The following DLG2 variants were observed in gnomAD, a reference collection of about 807,000 sequenced individuals.
DLG2 encodes disks large homolog 2.
DLG2 carries 45 observed loss-of-function variants against 132.5 expected under a neutral mutation model. The observed-to-expected ratio is 0.34, with a 90% CI of 0.27 to 0.44. DLG2 has a LOEUF of 0.44. Ranked by LOEUF, DLG2 falls within the 20% of genes least tolerant of loss-of-function variation. The pLI is 1.00. For missense variants in DLG2, 1,045 were observed against 1,196.9 expected, an observed-to-expected ratio of 0.87 and a Z score of 1.87; for synonymous variants, 424 against 419.6, an observed-to-expected ratio of 1.01 and a Z score of -0.13.
At chr11:84,720,313 A>G (rs1289190372) in intron 6 of DLG2, 6 of 985,446 alleles carry the variant, frequency 6.1e-6, no homozygotes, top group Non-Finnish European at 6.0e-6. Context: ...CCAAACATCA[A>G]CGATAAAGTG....
intron 6 of DLG2, among the ~76,000 whole-genome samples, chr11:85,016,966 T>G (rs2059626755): frequency 6.6e-6 from 1 of 152,174 alleles, no homozygotes; most frequent in African/African-American, 2.4e-5. Context: ...CAAATCTGGC[T>G]TGCTACATGT....
chr11:83,753,857 T>TC (rs1191096672), intron 18 of DLG2, among the ~76,000 whole-genome samples: 6 of 6,570 alleles, frequency 9.1e-4, no homozygotes, highest in African/African-American at 5.2e-3. Context: ...ATATATCATA[T>TC]ATATATTTCA....
chr11:85,005,406 G>T (rs2058564808), intron 6 of DLG2, among the ~76,000 whole-genome samples: 1 of 152,124 alleles, frequency 6.6e-6, no homozygotes, highest in African/African-American at 2.4e-5. Flanking sequence ...ATTTCCTTGA[G>T]CAGTGGTATG....
chr11:83,648,220 T>C (rs1470901350), intron 18 of DLG2, among the ~76,000 whole-genome samples: 2 of 152,170 alleles, frequency 1.3e-5, no homozygotes, highest in African/African-American at 4.8e-5. Flanking sequence ...AGAACTGTGT[T>C]GGTACACACA....
rs1264380162 is a variant in DLG2, at chr11:85,219,977, A to C, written c.186+65243T>G. On this transcript the variant is annotated intron_variant, in intron 4 of 27. Transcript: ENST00000376104. ...CCGAAACTTCCCACAAGAAATTACA[A>C]CTGCTTTTTGTCTTAATTTGGAGAG... is the stretch of plus-strand genomic sequence containing the variant. 2.6e-5 allele frequency among the ~76,000 whole-genome samples: 4 copies of C among 151,944 alleles called. No individual in the cohort carries two copies. In the South Asian group the frequency reaches 8.3e-4, roughly 32 times the overall value.
At chr11:83,671,437 T>C (rs1434703684) in intron 18 of DLG2, among the ~76,000 whole-genome samples, 5 of 152,166 alleles carry the variant, frequency 3.3e-5, no homozygotes, top group Admixed American at 1.3e-4. Context: ...GCCCCTCCTA[T>C]GAGCAGTCAA....
intron 6 of DLG2, among the ~76,000 whole-genome samples, chr11:84,945,778 A>G (rs1041042957): frequency 6.6e-6 from 1 of 152,080 alleles, no homozygotes; most frequent in Non-Finnish European, 1.5e-5. Flanking sequence ...TCACTAGGTA[A>G]TGTGCATCCC....
chr11:83,750,111 C>G (rs2093206310), intron 18 of DLG2, among the ~76,000 whole-genome samples: 1 of 152,150 alleles, frequency 6.6e-6, no homozygotes, highest in African/African-American at 2.4e-5. Flanking sequence ...AACGCTCAAG[C>G]TTGTCTTTAC....
chr11:84,892,675 A>G (rs999667095), intron 6 of DLG2, among the ~76,000 whole-genome samples: 1 of 152,108 alleles, frequency 6.6e-6, no homozygotes, highest in African/African-American at 2.4e-5. Flanking sequence ...AATATTAATT[A>G]AGGGTGCTGT....
intron 6 of DLG2, among the ~76,000 whole-genome samples, chr11:85,050,679 G>T (rs183403123): frequency 6.6e-6 from 1 of 152,174 alleles, no homozygotes; most frequent in East Asian, 1.9e-4. Context: ...AAAAATCAAA[G>T]ATATTTAATG....
chr11:84,283,671 A>G (rs900375586), intron 7 of DLG2, among the ~76,000 whole-genome samples: 2 of 151,906 alleles, frequency 1.3e-5, no homozygotes, highest in African/African-American at 4.8e-5. Context: ...CCTGAATCCT[A>G]TTTGCTTCCT....
At chr11:85,406,096 C>T (rs2088702713) in intron 3 of DLG2, among the ~76,000 whole-genome samples, 1 of 151,830 alleles carries the variant, frequency 6.6e-6, no homozygotes, top group Non-Finnish European at 1.5e-5. Flanking sequence ...ATTTATTCTT[C>T]AATTATAGAG....
chr11:84,699,579 T>C (rs2058989584), intron 6 of DLG2, among the ~76,000 whole-genome samples: 1 of 151,456 alleles, frequency 6.6e-6, no homozygotes, highest in Non-Finnish European at 1.5e-5. Context: ...AATTCTCACC[T>C]GATTTGGCCC....
intron 6 of DLG2, among the ~76,000 whole-genome samples, chr11:84,768,203 A>G (rs1386307976): frequency 6.6e-6 from 1 of 152,232 alleles, no homozygotes; most frequent in Non-Finnish European, 1.5e-5. Context: ...GACGATTCTT[A>G]TCCTACCCCA....
intron 7 of DLG2, among the ~76,000 whole-genome samples, chr11:84,301,972 G>A (rs1599427148): frequency 6.6e-6 from 1 of 152,144 alleles, no homozygotes; most frequent in Admixed American, 6.5e-5. Context: ...TAATAGACTG[G>A]ATAAAGAAAA....
At chr11:85,602,591 C>T (rs1008984732) in intron 2 of DLG2, among the ~76,000 whole-genome samples, 1 of 152,020 alleles carries the variant, frequency 6.6e-6, no homozygotes, top group East Asian at 1.9e-4. Flanking sequence ...CACTATGTTG[C>T]CCAGGCTGGC....
chr11:84,043,137 AATTT>A (rs915002542), intron 11 of DLG2, among the ~76,000 whole-genome samples: 3 of 151,632 alleles, frequency 2.0e-5, no homozygotes, highest in African/African-American at 7.2e-5. Flanking sequence ...TTATTTAAGC[AATTT>A]ATTAATTAAT....
chr11:84,696,006 C>A (rs939607452), intron 6 of DLG2, among the ~76,000 whole-genome samples: 1 of 151,480 alleles, frequency 6.6e-6, no homozygotes, highest in Non-Finnish European at 1.5e-5. Context: ...GAAATAGTAA[C>A]CCAATTTTCC....
chr11:84,830,959 C>CCG (rs1555246497), intron 6 of DLG2, among the ~76,000 whole-genome samples: 8 of 25,786 alleles, frequency 3.1e-4, no homozygotes, highest in Non-Finnish European at 6.4e-4. Flanking sequence ...CCTCCCCCCA[C>CCG]CCCCCCCAGC....
Sources: gnomAD v4.1 joint callset for allele counts (sites outside exome capture counted in the v4.1 genomes callset) on GRCh38, gnomAD v4.1.1 for gene constraint, MANE v1.5 for transcripts, NCBI Gene and HGNC (gene_info 2026-07-23, HGNC 2026-07-21) for gene names.